The following FHL5 variants were observed in gnomAD, a reference collection of about 807,000 sequenced individuals.
FHL5 encodes four and a half LIM domains protein 5.
A neutral mutation model predicts 32.0 loss-of-function variants in FHL5; 33 were observed. That is an observed-to-expected ratio of 1.03 (90% CI 0.78 to 1.38). The LOEUF is 1.38. Among genes scored for constraint, FHL5 ranks in the 40% most tolerant of loss-of-function variants. The pLI, the probability that FHL5 is intolerant of heterozygous loss-of-function variation, is 0.00. For synonymous variants in FHL5, 114 were observed against 113.6 expected (o/e 1.00, Z -0.02); for missense variants, 336 against 343.9 (o/e 0.98, Z 0.18).
chr6:96,593,760 G>A (rs113789874), intron 1 of FHL5, among the ~76,000 whole-genome samples: 11 of 152,100 alleles, frequency 7.2e-5, no homozygotes, highest in African/African-American at 2.4e-4. Flanking sequence ...GCTCATCTAC[G>A]CTTTTCTCCT....
chr6:96,580,138 T>C (rs1017726841), intron 1 of FHL5, among the ~76,000 whole-genome samples: 1 of 152,188 alleles, frequency 6.6e-6, no homozygotes, highest in Admixed American at 6.5e-5. Flanking sequence ...AGACTGCTTG[T>C]AGTTACTATG....
chr6:96,606,113 A>G (rs756189827), intron 4 of FHL5, 42 bp downstream of exon 4: 1 of 1,521,926 alleles, frequency 6.6e-7, no homozygotes, highest in Non-Finnish European at 9.1e-7. Flanking sequence ...AACTCAGACT[A>G]TTTCTTTTTA....
rs753302993 is a variant in FHL5 at position 96,606,071 on chromosome 6, G to A, written c.504G>A (p.Lys168=). The change falls in exon 4 of 6, where the codon AAG becomes AAA. Residue 168 remains lysine, a splice_region_variant and synonymous_variant. Coordinates refer to ENST00000450218, the MANE Select transcript of FHL5 (RefSeq NM_001322466.2). ...EFAHYCNFCK[K]VITSGGITFC... ...CTCACTACTGCAACTTTTGTAAGAA[G>A]GTAATTTTCTAAAGAGGGTGAAGCT... The A allele has an allele frequency of 1.2e-6, 2 of 1,612,808 alleles. No homozygotes were observed. The highest frequency in any genetic ancestry group is 1.7e-6 in the Non-Finnish European group (2 of 1,179,244).
chr6:96,607,419 AC>A (rs1209697752), intron 4 of FHL5, among the ~76,000 whole-genome samples: 13 of 151,978 alleles, frequency 8.6e-5, no homozygotes, highest in African/African-American at 3.1e-4. Context: ...ACACACACAC[AC>A]ACACACGCAG....
At chr6:96,603,889 A>G (rs1229753861) in intron 2 of FHL5, 117 bp downstream of exon 2, 7 of 789,242 alleles carry the variant, frequency 8.9e-6, no homozygotes, top group Middle Eastern at 5.0e-4. Context: ...CTGGATATAT[A>G]AGGATCTTAA....
At chr6:96,573,932 T>C (rs541897305) in intron 1 of FHL5, among the ~76,000 whole-genome samples, 59 of 152,270 alleles carry the variant, frequency 3.9e-4, no homozygotes, top group African/African-American at 1.3e-3. Flanking sequence ...TAGATTACAG[T>C]ATACAATTTG....
rs1771544626 is a variant in FHL5 at position 96,617,375 on chromosome 6, A to G, written c.*1603A>G. Among the ~76,000 whole-genome samples the G allele has an allele frequency of 6.6e-6, 1 of 152,268 alleles. No individual in the cohort carries two copies. Among genetic ancestry groups the G allele is most frequent in the Non-Finnish European group, 1.5e-5 (1 of 68,048 alleles). On this transcript the variant is annotated 3_prime_UTR_variant, in exon 6 of 6. Coordinates refer to ENST00000450218, the MANE Select transcript of FHL5 (RefSeq NM_001322466.2). ...CCAAAATAGCATCACAGGAGATTCA[A>G]TTAAAATTGTTATGGAAATAATTTT...
intron 1 of FHL5, among the ~76,000 whole-genome samples, chr6:96,588,560 G>A (rs576976460): frequency 6.6e-6 from 1 of 152,270 alleles, no homozygotes; most frequent in African/African-American, 2.4e-5. Flanking sequence ...TTCATATTTT[G>A]TGAGTATAAA....
Position 96,615,653 on chromosome 6 carries a change from C to G in FHL5, c.736C>G (p.His246Asp). Residue 246 changes from histidine to aspartate, a missense_variant, in exon 6 of 6, where the codon CAT (histidine) becomes GAT (aspartate). His to Asp is a moderately conservative substitution (Grantham distance 81). Coordinates refer to ENST00000450218, the MANE Select transcript of FHL5 (RefSeq NM_001322466.2). ...KFICFQDSQW[H>D]SECFNCGKCS... is the part of the protein sequence containing the mutation. ...TATCTGCTTTCAAGACAGCCAGTGG[C>G]ATAGCGAATGCTTTAACTGCGGGAA... is the stretch of plus-strand genomic sequence containing the variant. 6.2e-7 allele frequency: 1 copy of G among 1,613,002 alleles called. No individual in the cohort carries two copies. Among genetic ancestry groups the G allele is most frequent in the South Asian group, 1.1e-5 (1 of 90,840 alleles).
intron 4 of FHL5, among the ~76,000 whole-genome samples, chr6:96,609,672 T>C (rs1368021411): frequency 6.6e-6 from 1 of 152,230 alleles, no homozygotes; most frequent in Non-Finnish European, 1.5e-5. Flanking sequence ...TGGAATTGCT[T>C]TCCAACTATT....
intron 1 of FHL5, among the ~76,000 whole-genome samples, chr6:96,601,959 A>T (rs577622728): frequency 3.0e-4 from 46 of 152,214 alleles, no homozygotes; most frequent in Non-Finnish European, 5.6e-4. Context: ...AATTTTGGCC[A>T]TGTTCCATTG....
At chr6:96,610,453 T>G in intron 4 of FHL5, 119 bp from the exon 5 acceptor site, 3 of 637,612 alleles carry the variant, frequency 4.7e-6, no homozygotes, top group Non-Finnish European at 8.1e-6. Flanking sequence ...TGAAATGATC[T>G]TTTTTTTTTC....
At chr6:96,585,304 G>GA (rs1770774918) in intron 1 of FHL5, among the ~76,000 whole-genome samples, 2 of 152,030 alleles carry the variant, frequency 1.3e-5, no homozygotes, top group East Asian at 3.9e-4. Flanking sequence ...AAAGAAAAAA[G>GA]AAAAAATCTA....
intron 3 of FHL5, among the ~76,000 whole-genome samples, chr6:96,605,536 A>G (rs1177412136): frequency 6.6e-6 from 1 of 152,228 alleles, no homozygotes; most frequent in Non-Finnish European, 1.5e-5. Context: ...TAGTCTCAGT[A>G]GTTGTGCTCT....
intron 1 of FHL5, among the ~76,000 whole-genome samples, chr6:96,573,850 G>T (rs927256792): frequency 1.3e-5 from 2 of 151,488 alleles, no homozygotes; most frequent in African/African-American, 4.8e-5. Context: ...ACCTATAATT[G>T]TTTTTTAAAT....
intron 5 of FHL5, among the ~76,000 whole-genome samples, chr6:96,613,893 C>T (rs530040015): frequency 2.0e-5 from 3 of 152,270 alleles, no homozygotes; most frequent in South Asian, 2.1e-4. Context: ...ACATAAAGGA[C>T]TTAGAATAGT....
intron 1 of FHL5, among the ~76,000 whole-genome samples, chr6:96,568,001 C>G (rs2127957951): frequency 6.6e-6 from 1 of 151,720 alleles, no homozygotes; most frequent in South Asian, 2.1e-4. Context: ...CCTAAGTGCT[C>G]TGCCTAGGGC....
intron 1 of FHL5, among the ~76,000 whole-genome samples, chr6:96,602,485 C>T (rs1252421086): frequency 1.9e-5 from 2 of 107,400 alleles, no homozygotes; most frequent in East Asian, 3.2e-4. Flanking sequence ...CTGGCTCTGT[C>T]GCCCAGGCTG....
At chr6:96,575,502 G>A (rs1770565794) in intron 1 of FHL5, among the ~76,000 whole-genome samples, 2 of 152,152 alleles carry the variant, frequency 1.3e-5, no homozygotes, top group Admixed American at 1.3e-4. Context: ...TCATGAGCTG[G>A]GACTGAGCAG....
Sources: allele counts gnomAD v4.1 joint callset (sites outside exome capture counted in the v4.1 genomes callset), GRCh38; gene constraint gnomAD v4.1.1; transcripts MANE v1.5; gene names NCBI Gene and HGNC (gene_info 2026-07-23, HGNC 2026-07-21).